LRRC4C: variants seen among roughly 807,000 people sequenced by gnomAD.
LRRC4C encodes the protein leucine rich repeat containing 4C, also known as leucine-rich repeat-containing protein 4C.
In LRRC4C, 5 loss-of-function variants were observed where a neutral mutation model predicts 33.6. The observed-to-expected ratio is 0.15, with a 90% confidence interval of 0.08 to 0.31. The LOEUF (loss-of-function observed/expected upper bound fraction) is 0.31, where lower values mean the gene tolerates loss of function less well. LRRC4C is among the 10% of genes least tolerant of loss of function. The probability of loss-of-function intolerance (pLI) is 1.00; values close to 1 mark genes in which losing one functional copy is unlikely to be tolerated. For synonymous variants in LRRC4C, 329 were observed against 302.0 expected (o/e 1.09, Z -0.93); for missense variants, 560 against 796.7 (o/e 0.70, Z 3.58).
At chr11:41,213,627 C>G (rs542088895) in intron 1 of LRRC4C, among the ~76,000 whole-genome samples, 3 of 152,308 alleles carry the variant, frequency 2.0e-5, no homozygotes, top group Non-Finnish European at 4.4e-5. Context: ...AGCTCTCAAA[C>G]TTATACAAGA....
chr11:40,601,796 CT>C (rs1271627537), intron 3 of LRRC4C, among the ~76,000 whole-genome samples: 1 of 152,126 alleles, frequency 6.6e-6, no homozygotes, highest in Non-Finnish European at 1.5e-5. Context: ...ATATACCTTA[CT>C]TTAACAATAA....
At chr11:40,900,837 G>A (rs1340152840) in intron 2 of LRRC4C, among the ~76,000 whole-genome samples, 1 of 151,896 alleles carries the variant, frequency 6.6e-6, no homozygotes, top group African/African-American at 2.4e-5. Context: ...AAATATCTGT[G>A]AGGTTAATTT....
intron 2 of LRRC4C, among the ~76,000 whole-genome samples, chr11:40,798,924 G>A (rs1331619125): frequency 2.0e-5 from 3 of 152,076 alleles, no homozygotes; most frequent in South Asian, 2.1e-4. Flanking sequence ...GATTACGAGC[G>A]TGAGCCACCA....
At chr11:41,038,318 C>T (rs1468460744) in intron 1 of LRRC4C, among the ~76,000 whole-genome samples, 1 of 152,196 alleles carries the variant, frequency 6.6e-6, no homozygotes, top group Non-Finnish European at 1.5e-5. Context: ...TGAGGGGGAT[C>T]AGATCCCAAA....
intron 3 of LRRC4C, among the ~76,000 whole-genome samples, chr11:40,528,385 T>G (rs1028005945): frequency 1.3e-5 from 2 of 152,030 alleles, no homozygotes; most frequent in Non-Finnish European, 2.9e-5. Context: ...CCAATAAGTA[T>G]TATAAAAAGA....
chr11:40,960,698 G>T lies in LRRC4C; in HGVS notation c.-495-26975C>A, dbSNP rs374024868. On this transcript the variant is annotated intron_variant, in intron 1 of 6. Transcript: ENST00000528697. ...TTTGTATATATTTACTGGGCTCAAGGTATATCTTAGTTGTCTACAAAATGT... is the reference window on the plus strand; with the variant it reads ...TTTGTATATATTTACTGGGCTCAAGTTATATCTTAGTTGTCTACAAAATGT... 1.3e-4 allele frequency among the ~76,000 whole-genome samples: 19 copies of T among 151,836 alleles called. No homozygotes were observed. In the South Asian group the frequency reaches 3.5e-3, roughly 28 times the overall value.
intron 3 of LRRC4C, among the ~76,000 whole-genome samples, chr11:40,387,259 G>T (rs1949147615): frequency 6.6e-6 from 1 of 151,986 alleles, no homozygotes; most frequent in Non-Finnish European, 1.5e-5. Context: ...AATGATTTCT[G>T]ATCTGGGATT....
intron 5 of LRRC4C, among the ~76,000 whole-genome samples, chr11:40,155,981 C>T (rs1019492991): frequency 2.6e-5 from 4 of 152,072 alleles, no homozygotes; most frequent in East Asian, 1.9e-4. Context: ...AATCCAGCAA[C>T]GTATCAAAAA....
chr11:41,070,028 C>G (rs1044321532), intron 1 of LRRC4C, among the ~76,000 whole-genome samples: 1 of 152,124 alleles, frequency 6.6e-6, no homozygotes, highest in African/African-American at 2.4e-5. Flanking sequence ...CACTAAAAGG[C>G]TATAGTAACC....
chr11:40,698,920 A>T (rs959236185), intron 2 of LRRC4C, among the ~76,000 whole-genome samples: 1 of 152,122 alleles, frequency 6.6e-6, no homozygotes, highest in Non-Finnish European at 1.5e-5. Context: ...ATTTTCTCCC[A>T]CTGGACCCTC....
intron 1 of LRRC4C, among the ~76,000 whole-genome samples, chr11:41,158,153 C>A (rs1944314853): frequency 6.6e-6 from 1 of 151,960 alleles, no homozygotes; most frequent in South Asian, 2.1e-4. Context: ...TTGTTTTCTT[C>A]CATTTTATAG....
At chr11:40,685,391 A>G (rs953499410) in intron 2 of LRRC4C, among the ~76,000 whole-genome samples, 1 of 152,078 alleles carries the variant, frequency 6.6e-6, no homozygotes, top group Non-Finnish European at 1.5e-5. Flanking sequence ...GTGAATGGAT[A>G]AGTAAAATAT....
At position 41,165,060 on chromosome 11, in the gene LRRC4C, G is replaced by A. The variant is rs187106443; in HGVS notation, c.-495-231337C>T. Among the ~76,000 whole-genome samples the A allele has an allele frequency of 2.7e-3, 417 of 152,214 alleles. 3 individuals carry two copies. Among genetic ancestry groups the A allele is most frequent in the African/African-American group, 9.5e-3 (393 of 41,534 alleles). ...CTGTAAATCATGTGCTTAGTGCAAC[G>A]TGACGTTTTGACCTCCACATTCTCA... On this transcript the variant is annotated intron_variant, in intron 1 of 6. Coordinates refer to ENST00000528697, the MANE Select transcript of LRRC4C (RefSeq NM_001258419.2).
chr11:40,358,061 T>C (rs1947756344), intron 3 of LRRC4C, among the ~76,000 whole-genome samples: 1 of 151,996 alleles, frequency 6.6e-6, no homozygotes, highest in Admixed American at 6.6e-5. Context: ...CACATGCCTG[T>C]AGTTCCAGCT....
At chr11:41,274,204 G>A (rs542839742) in intron 1 of LRRC4C, among the ~76,000 whole-genome samples, 2 of 152,228 alleles carry the variant, frequency 1.3e-5, no homozygotes, top group African/African-American at 4.8e-5. Flanking sequence ...GGGCTTGGGA[G>A]GGCAGAGGAG....
intron 2 of LRRC4C, among the ~76,000 whole-genome samples, chr11:40,805,473 A>G (rs943157074): frequency 3.9e-5 from 6 of 152,148 alleles, no homozygotes; most frequent in Non-Finnish European, 8.8e-5. Context: ...TTTTTTGTAA[A>G]TAAACATATC....
At chr11:41,292,414 AT>A (rs967038418) in intron 1 of LRRC4C, among the ~76,000 whole-genome samples, 16 of 152,164 alleles carry the variant, frequency 1.1e-4, no homozygotes, top group Admixed American at 3.3e-4. Context: ...GTAAAAAAAA[AT>A]GTATATATAT....
rs906835460 is a variant in LRRC4C at position 40,452,189 on chromosome 11, T to A, written c.-269-132468A>T. On this transcript the variant is annotated intron_variant, in intron 3 of 6. Coordinates refer to ENST00000528697, the MANE Select transcript of LRRC4C (RefSeq NM_001258419.2). ...GACAAAATTGACAAATGGGATCTCATTAAACTAAAGAGCTTCTGCACAGCA... is the reference window on the plus strand; with the variant it reads ...GACAAAATTGACAAATGGGATCTCAATAAACTAAAGAGCTTCTGCACAGCA... Among the ~76,000 whole-genome samples the A allele has an allele frequency of 2.6e-5, 4 of 152,076 alleles. No individual in the cohort carries two copies. In the South Asian group the frequency reaches 8.3e-4, roughly 31 times the overall value.
At chr11:40,769,769 T>C (rs1257692426) in intron 2 of LRRC4C, among the ~76,000 whole-genome samples, 1 of 152,158 alleles carries the variant, frequency 6.6e-6, no homozygotes, top group East Asian at 1.9e-4. Flanking sequence ...GAAATACTGA[T>C]ATCCATATGC....
Sources: allele counts gnomAD v4.1 joint callset (sites outside exome capture counted in the v4.1 genomes callset), GRCh38; gene constraint gnomAD v4.1.1; transcripts MANE v1.5; gene names NCBI Gene and HGNC (gene_info 2026-07-23, HGNC 2026-07-21).